Variants in PEAK1 observed in about 807,000 individuals in gnomAD.
PEAK1 encodes the protein pseudopodium enriched atypical kinase 1.
A neutral mutation model predicts 124.7 loss-of-function variants in PEAK1; 54 were observed. The ratio of observed to expected loss-of-function variants is 0.43; its 90% CI spans 0.35 to 0.54. The LOEUF is 0.54. Among genes scored for constraint, PEAK1 ranks in the 20% least tolerant of loss-of-function variants. PEAK1 has a pLI of 0.01. For synonymous variants in PEAK1, 719 were observed against 760.0 expected (o/e 0.95, Z 0.89); for missense variants, 2,046 against 2,134.5 (o/e 0.96, Z 0.82).
At chr15:77,277,290 A>G (rs2062382870) in intron 5 of PEAK1, among the ~76,000 whole-genome samples, 1 of 152,194 alleles carries the variant, frequency 6.6e-6, no homozygotes, top group Non-Finnish European at 1.5e-5. Context: ...AGAGATGGTT[A>G]CCAAGGGTGA....
Position 77,133,201 on chromosome 15 carries a change from T to C in PEAK1, c.3881A>G (p.His1294Arg), listed in dbSNP as rs1294123644. 1.9e-6 allele frequency: 3 copies of C among 1,614,232 alleles called. No individual in the cohort carries two copies. Among genetic ancestry groups the C allele is most frequent in the East Asian group, 2.2e-5 (1 of 44,884 alleles). ...EEVVGKIRSL[H>R]TDALKKLAVK... Reference sequence around the variant, plus strand: ...AGCCAGTTTCTTCAAGGCATCTGTATGAAGGCTTCGGATTTTACCCACTAC... The same window carrying C: ...AGCCAGTTTCTTCAAGGCATCTGTACGAAGGCTTCGGATTTTACCCACTAC... Residue 1294 changes from histidine to arginine, a missense_variant, in exon 9 of 10, where the codon CAT (histidine) becomes CGT (arginine). Coordinates refer to ENST00000682557, the MANE Select transcript of PEAK1 (RefSeq NM_001385026.1). The surrounding 1 kb of genome is among the most constrained non-coding windows in gnomAD (Gnocchi z 4.2).
chr15:77,274,239 C>T (rs1016959191), intron 5 of PEAK1, among the ~76,000 whole-genome samples: 2 of 152,028 alleles, frequency 1.3e-5, no homozygotes, highest in East Asian at 1.9e-4. Flanking sequence ...GACCAGAACC[C>T]GAAAGCAAAC....
Position 77,264,679 on chromosome 15 carries a change from C to A in PEAK1, c.-274-12153G>T, listed in dbSNP as rs2061621918. ...AATATCGTGAAAATGGCCATACTGCCCAAGGTAATTTATAGATTCAATGCC... is the reference window on the plus strand; with the variant it reads ...AATATCGTGAAAATGGCCATACTGCACAAGGTAATTTATAGATTCAATGCC... On this transcript the variant is annotated intron_variant, in intron 5 of 9. Transcript: ENST00000682557. 3.3e-5 allele frequency among the ~76,000 whole-genome samples: 5 copies of A among 152,190 alleles called. No homozygotes were observed. In the South Asian group the frequency reaches 1.0e-3, roughly 32 times the overall value.
At chr15:77,248,387 G>A (rs796174868) in intron 6 of PEAK1, among the ~76,000 whole-genome samples, 41 of 152,280 alleles carry the variant, frequency 2.7e-4, no homozygotes, top group African/African-American at 9.1e-4. Flanking sequence ...AAGATAATCC[G>A]TATTCCGTTG....
intron 1 of PEAK1, chr15:77,381,390 C>A (rs767396878): frequency 6.9e-4 from 565 of 823,916 alleles, no homozygotes; most frequent in Non-Finnish European, 7.6e-4. Context: ...ATAGCCACTG[C>A]ACTTCAGTTT....
intron 6 of PEAK1, among the ~76,000 whole-genome samples, chr15:77,221,599 T>A (rs1463944491): frequency 6.6e-6 from 1 of 152,122 alleles, no homozygotes; most frequent in Non-Finnish European, 1.5e-5. Flanking sequence ...TAGGTTATCC[T>A]GGAACACATG....
At chr15:77,263,180 C>A (rs2061531723) in intron 5 of PEAK1, among the ~76,000 whole-genome samples, 1 of 152,050 alleles carries the variant, frequency 6.6e-6, no homozygotes, top group South Asian at 2.1e-4. Context: ...ACCATAACAT[C>A]ACAATTAAAA....
intron 6 of PEAK1, among the ~76,000 whole-genome samples, chr15:77,203,043 A>T (rs1373754339): frequency 6.6e-6 from 1 of 151,926 alleles, no homozygotes; most frequent in Non-Finnish European, 1.5e-5. Context: ...TCTCAGAAAA[A>T]AAAAAAAAAA....
intron 6 of PEAK1, among the ~76,000 whole-genome samples, chr15:77,202,288 T>A (rs2058398921): frequency 1.3e-5 from 2 of 152,146 alleles, no homozygotes; most frequent in South Asian, 4.1e-4. Flanking sequence ...CGACCCCTCA[T>A]GTGATAAAAA....
At chr15:77,223,014 C>T (rs528679514) in intron 6 of PEAK1, among the ~76,000 whole-genome samples, 12 of 152,028 alleles carry the variant, frequency 7.9e-5, no homozygotes, top group Non-Finnish European at 1.8e-4. Context: ...GGCCCCACTC[C>T]AGATTTAGAA....
chr15:77,274,374 C>T (rs901669355), intron 5 of PEAK1, among the ~76,000 whole-genome samples: 16 of 151,690 alleles, frequency 1.1e-4, no homozygotes, highest in Admixed American at 4.6e-4. Flanking sequence ...GCAATCTATC[C>T]GACAAAGGAC....
chr15:77,419,141 G>A (rs2073137438), intron 1 of PEAK1: 2 of 985,172 alleles, frequency 2.0e-6, no homozygotes, highest in Non-Finnish European at 2.4e-6. Flanking sequence ...TCAAATTCCT[G>A]AACTTGGATC....
At chr15:77,326,873 C>T (rs35383172) in intron 2 of PEAK1, among the ~76,000 whole-genome samples, 11,272 of 152,080 alleles carry the variant, frequency 0.074, 547 homozygotes, top group Non-Finnish European at 0.1. Context: ...AAACCTATCT[C>T]ATGTACCATA....
In PEAK1 at chr15:77,346,596, T is replaced by C. The variant is rs1006491585; in HGVS notation, c.-603+18567A>G. The C allele has an allele frequency of 3.0e-6, 3 of 985,232 alleles. No homozygotes were observed. The African/African-American group carries it at 5.2e-5, about 17-fold the overall frequency. The allele number at this position is 985,232 out of a possible 1,614,324, so 61.0% of individuals were successfully genotyped here. On this transcript the variant is annotated intron_variant, in intron 2 of 9. Coordinates refer to ENST00000682557, the MANE Select transcript of PEAK1 (RefSeq NM_001385026.1). ...CACATCTCAAGAGGTTTTTCCCTTC[T>C]TCTAAAAGAATTCAACTAGGAGACA...
intron 6 of PEAK1, among the ~76,000 whole-genome samples, chr15:77,194,875 T>C (rs1283322387): frequency 1.3e-5 from 2 of 152,138 alleles, no homozygotes; most frequent in Non-Finnish European, 2.9e-5. Context: ...TGTGGGCAAA[T>C]AGCCCTATAT....
At chr15:77,220,244 G>A (rs2059326641) in intron 6 of PEAK1, among the ~76,000 whole-genome samples, 1 of 152,032 alleles carries the variant, frequency 6.6e-6, no homozygotes, top group African/African-American at 2.4e-5. Flanking sequence ...TGGTTTTAGA[G>A]AGTTGATTAA....
chr15:77,410,284 C>G (rs1238222575), intron 1 of PEAK1, among the ~76,000 whole-genome samples: 1 of 152,032 alleles, frequency 6.6e-6, no homozygotes, highest in East Asian at 1.9e-4. Flanking sequence ...CGCCACCACG[C>G]CCAGCTAATT....
At chr15:77,228,899 G>A (rs2059790251) in intron 6 of PEAK1, among the ~76,000 whole-genome samples, 1 of 152,132 alleles carries the variant, frequency 6.6e-6, no homozygotes. Context: ...TCCTTCATTT[G>A]ACAGTCTGAA....
intron 2 of PEAK1, among the ~76,000 whole-genome samples, chr15:77,360,962 G>T (rs987062375): frequency 2.0e-5 from 3 of 151,992 alleles, no homozygotes; most frequent in Non-Finnish European, 2.9e-5. Flanking sequence ...ACACTGGTCT[G>T]GGAAAAGATT....
Sources: gnomAD v4.1 joint callset for allele counts (sites outside exome capture counted in the v4.1 genomes callset) on GRCh38, gnomAD v4.1.1 for gene constraint, Gnocchi (gnomAD v3.1) non-coding constraint, MANE v1.5 for transcripts, NCBI Gene and HGNC (gene_info 2026-07-23, HGNC 2026-07-21) for gene names.